Variants in TIAM2 observed in about 807,000 individuals in gnomAD.
The protein encoded by TIAM2 is rho guanine nucleotide exchange factor TIAM2.
A neutral mutation model predicts 152.9 loss-of-function variants in TIAM2; 80 were observed. The observed-to-expected ratio is 0.52, with a 90% confidence interval of 0.44 to 0.63. The LOEUF is 0.63. Among genes scored for constraint, TIAM2 ranks in the 30% least tolerant of loss-of-function variants. TIAM2 has a pLI of 0.00. For missense variants in TIAM2, 1,965 were observed against 2,120.1 expected, an observed-to-expected ratio of 0.93 and a Z score of 1.44; for synonymous variants, 804 against 838.0, an observed-to-expected ratio of 0.96 and a Z score of 0.70.
chr6:155,074,795 C>T (rs1297101395), intron 1 of TIAM2, among the ~76,000 whole-genome samples: 2 of 139,238 alleles, frequency 1.4e-5, no homozygotes, highest in Non-Finnish European at 3.0e-5. Flanking sequence ...CTGATCCCAG[C>T]GGTCTTTGAA....
intron 9 of TIAM2, chr6:155,169,018 C>T (rs191577627): frequency 5.8e-5 from 66 of 1,145,252 alleles, no homozygotes; most frequent in Middle Eastern, 2.7e-4. Flanking sequence ...GTTTTTGAGA[C>T]GGAGTCTGGC....
Position 155,091,902 on chromosome 6 carries a change from A to G in TIAM2, c.-118+1523A>G, listed in dbSNP as rs563301464. Among the ~76,000 whole-genome samples, 7 of 152,110 alleles carry G rather than the reference A, an allele frequency of 4.6e-5. No individual in the cohort carries two copies. The South Asian group carries it at 1.0e-3, about 23-fold the overall frequency. The stretch of plus-strand genomic sequence containing the variant: ...TGCTAGTGACCTGGAGTAGGTTATT[A>G]TTGCTATTTTTTTGAGACAGCGACG... On this transcript the variant is annotated intron_variant, in intron 2 of 26. Transcript: ENST00000682666.
Position 155,254,065 on chromosome 6 carries a change from G to T in TIAM2, c.4313+5G>T. On this transcript the variant is annotated splice_donor_5th_base_variant and intron_variant, in intron 25 of 26. Coordinates refer to ENST00000682666, the MANE Select transcript of TIAM2 (RefSeq NM_012454.4). ...CATCTTTCAGTTGTGTTGCAGGTAT[G>T]ACTGACTTCCAAAGATTAAAACCAA... 6.2e-7 allele frequency: 1 copy of T among 1,613,012 alleles called. No individual in the cohort carries two copies. Among genetic ancestry groups the T allele is most frequent in the African/African-American group, 1.3e-5 (1 of 74,988 alleles).
In TIAM2 at chr6:155,129,518, C is replaced by G; in HGVS notation, c.295C>G (p.Pro99Ala). The change falls in exon 4 of 27, where the codon CCA (proline) becomes GCA (alanine). Residue 99 changes from proline (P) to alanine (A), a missense_variant. Pro to Ala is a conservative substitution (Grantham distance 27). This residue lies in a region of TIAM2 where 1,025 missense variants were observed against 1,119.4 expected (regional missense o/e 0.92). Transcript: ENST00000682666. This position sits in a 1 kb window ranked among gnomAD's most constrained non-coding sequence, Gnocchi z 4.8. ...CTACTCCACGCACAGGACAAATGCC[C>G]CAGGGAAGGATTTCCAGGGCATCAG... ...VAYSTHRTNA[P>A]GKDFQGISAA... 1 of 1,614,074 alleles carries G rather than the reference C, an allele frequency of 6.2e-7. No individual in the cohort carries two copies. The highest frequency in any genetic ancestry group is 1.1e-5 in the South Asian group (1 of 91,080).
At chr6:155,072,000 A>C (rs1204916939) in intron 1 of TIAM2, among the ~76,000 whole-genome samples, 1 of 152,072 alleles carries the variant, frequency 6.6e-6, no homozygotes, top group South Asian at 2.1e-4. Context: ...CTTAAGAATG[A>C]GGAGAAATTT....
At chr6:155,199,353 C>T (rs1273512009) in intron 14 of TIAM2, among the ~76,000 whole-genome samples, 1 of 152,186 alleles carries the variant, frequency 6.6e-6, no homozygotes, top group Admixed American at 6.5e-5. Context: ...GCTGGGATTA[C>T]AGGTGTGAGC....
At position 155,174,198 on chromosome 6, in the gene TIAM2, T is replaced by A. The variant is rs1057259025; in HGVS notation, c.2362-2618T>A. On this transcript the variant is annotated intron_variant, in intron 9 of 26. Coordinates refer to ENST00000682666, the MANE Select transcript of TIAM2 (RefSeq NM_012454.4). This position sits in a 1 kb window ranked among gnomAD's most constrained non-coding sequence, Gnocchi z 4.2. ...ACTTCCACCCTTCAGATCCCCGGAGTACCATAGGCACTAGTTGTGTAAACT... is the reference window on the plus strand; with the variant it reads ...ACTTCCACCCTTCAGATCCCCGGAGAACCATAGGCACTAGTTGTGTAAACT... Among the ~76,000 whole-genome samples the A allele has an allele frequency of 6.6e-6, 1 of 152,144 alleles. No homozygotes were observed. Among genetic ancestry groups the A allele is most frequent in the East Asian group, 1.9e-4 (1 of 5,194 alleles).
At chr6:155,088,889 T>C (rs1477422880) in intron 1 of TIAM2, among the ~76,000 whole-genome samples, 3 of 152,198 alleles carry the variant, frequency 2.0e-5, no homozygotes, top group African/African-American at 4.8e-5. Flanking sequence ...CCAGTGTGAC[T>C]CAGGGAAGCC....
chr6:155,055,775 A>C (rs1355362836), intron 1 of TIAM2, among the ~76,000 whole-genome samples: 6 of 152,212 alleles, frequency 3.9e-5, no homozygotes, highest in African/African-American at 1.4e-4. Context: ...CAGCGTGGGC[A>C]ACATAGCAAG....
Position 155,137,476 on chromosome 6 carries a change from G to A in TIAM2, c.1494G>A (p.Leu498=), listed in dbSNP as rs752042914. The A allele has an allele frequency of 9.3e-6, 15 of 1,614,228 alleles. No individual in the cohort carries two copies. The highest frequency in any genetic ancestry group is 1.3e-5 in the Non-Finnish European group (15 of 1,180,042). The part of the protein sequence containing the change: ...ESLSSLEQLD[L]LFEKEQGVVR... ...TCAGCTCTCTGGAACAGCTGGATCT[G>A]CTCTTTGAGAAGGAACAGGGGGTGG... The change falls in exon 5 of 27, where the codon CTG becomes CTA. Residue 498 remains leucine, a synonymous_variant. Transcript: ENST00000682666.
At chr6:155,104,386 A>G (rs1201725791) in intron 2 of TIAM2, among the ~76,000 whole-genome samples, 1 of 151,950 alleles carries the variant, frequency 6.6e-6, no homozygotes, top group African/African-American at 2.4e-5. Flanking sequence ...CCTGACTTAA[A>G]TGTTTTGTGC....
At chr6:155,017,051 G>A (rs755798) in intron 1 of TIAM2, among the ~76,000 whole-genome samples, 1 of 152,168 alleles carries the variant, frequency 6.6e-6, no homozygotes. Context: ...TAATATGTCA[G>A]TAAACAGAGC....
At chr6:155,063,475 T>G (rs1484471512) in intron 1 of TIAM2, among the ~76,000 whole-genome samples, 2 of 152,046 alleles carry the variant, frequency 1.3e-5, no homozygotes, top group Non-Finnish European at 2.9e-5. Flanking sequence ...GATAGTTACA[T>G]GAGTATATAC....
chr6:155,129,443 T>C lies in TIAM2; in HGVS notation c.220T>C (p.Tyr74His), dbSNP rs1236051379. The C allele has an allele frequency of 1.2e-6, 2 of 1,614,080 alleles. No individual in the cohort carries two copies. Among genetic ancestry groups the C allele is most frequent in the Non-Finnish European group, 1.7e-6 (2 of 1,180,018 alleles). The change falls in exon 4 of 27, where the codon TAC (tyrosine) becomes CAC (histidine). Residue 74 changes from tyrosine (Y) to histidine (H), a missense_variant. Physicochemically the swap from Tyr to His is moderately conservative, Grantham distance 83. This residue lies in a region of TIAM2 where 1,025 missense variants were observed against 1,119.4 expected (regional missense o/e 0.92). Transcript: ENST00000682666. The surrounding 1 kb of genome is among the most constrained non-coding windows in gnomAD (Gnocchi z 4.8). ...CLSHFKSNQP[Y>H]ASRLGGPTCK... ...TTCTCACTTTAAGAGTAACCAGCCT[T>C]ACGCATCGAGACTCGGTGGCCCCAC...
At chr6:155,127,454 C>T (rs933390929) in intron 2 of TIAM2, 36 bp from the exon 3 acceptor site, 6 of 414,250 alleles carry the variant, frequency 1.4e-5, no homozygotes, top group African/African-American at 2.1e-5. Flanking sequence ...TGGAGTAAAA[C>T]GCTTCACAGA....
At chr6:155,206,182 C>T (rs921607646) in intron 14 of TIAM2, among the ~76,000 whole-genome samples, 2 of 152,134 alleles carry the variant, frequency 1.3e-5, no homozygotes, top group Admixed American at 1.3e-4. Context: ...ATAGGCTGTG[C>T]GGAAGTGTAG....
At position 155,042,961 on chromosome 6, in the gene TIAM2, T is replaced by C. The variant is rs1449946525; in HGVS notation, c.-208-47328T>C. Among the ~76,000 whole-genome samples the C allele has an allele frequency of 3.9e-5, 6 of 152,204 alleles. No homozygotes were observed. The East Asian group carries it at 9.6e-4, about 24-fold the overall frequency. The stretch of plus-strand genomic sequence containing the variant: ...AGTTACTTTACTTATATAATAGTAG[T>C]AGTAATCGTCATGATAATTACTTTG... On this transcript the variant is annotated intron_variant, in intron 1 of 26. Transcript: ENST00000682666.
chr6:155,027,143 C>G (rs1031516439), intron 1 of TIAM2, among the ~76,000 whole-genome samples: 1 of 151,664 alleles, frequency 6.6e-6, no homozygotes, highest in Non-Finnish European at 1.5e-5. Context: ...TCAAACGATT[C>G]TCCTGCCTCA....
At chr6:155,086,697 G>T (rs1778177429) in intron 1 of TIAM2, among the ~76,000 whole-genome samples, 1 of 114,814 alleles carries the variant, frequency 8.7e-6, no homozygotes, top group South Asian at 3.4e-4. Flanking sequence ...ACAGAGTGAG[G>T]CTCCATCTTG....
Sources: allele counts gnomAD v4.1 joint callset (sites outside exome capture counted in the v4.1 genomes callset), GRCh38; gene constraint gnomAD v4.1.1; regional missense constraint gnomAD v4.1.1; non-coding constraint Gnocchi (gnomAD v3.1); transcripts MANE v1.5; gene names NCBI Gene and HGNC (gene_info 2026-07-23, HGNC 2026-07-21).